The following SAMD3 variants were observed in gnomAD, a reference collection of about 807,000 sequenced individuals.
SAMD3 encodes sterile alpha motif domain containing 3.
In SAMD3, 63 loss-of-function variants were observed where a neutral mutation model predicts 58.5. That is an observed-to-expected ratio of 1.08 (90% CI 0.88 to 1.33). SAMD3 has a LOEUF of 1.33. Ranked by LOEUF, SAMD3 falls within the 40% of genes most tolerant of loss-of-function variation. The probability of loss-of-function intolerance (pLI) is 0.00; values close to 1 mark genes in which losing one functional copy is unlikely to be tolerated. For synonymous variants in SAMD3, 220 were observed against 210.3 expected, an observed-to-expected ratio of 1.05 and a Z score of -0.40; for missense variants, 604 against 608.4, an observed-to-expected ratio of 0.99 and a Z score of 0.08.
chr6:130,229,919 A>T (rs1362232200), intron 2 of SAMD3, among the ~76,000 whole-genome samples: 1 of 152,218 alleles, frequency 6.6e-6, no homozygotes, highest in African/African-American at 2.4e-5. Flanking sequence ...ACAGATAACT[A>T]CAGACTCTGA....
At chr6:130,349,373 A>G (rs962940127) in intron 1 of SAMD3, among the ~76,000 whole-genome samples, 9 of 152,276 alleles carry the variant, frequency 5.9e-5, no homozygotes, top group Admixed American at 1.3e-4. Flanking sequence ...TCAAATAGAC[A>G]CAATAAAAAA....
chr6:130,355,992 G>T (rs1039673818), intron 1 of SAMD3, among the ~76,000 whole-genome samples: 3 of 152,112 alleles, frequency 2.0e-5, no homozygotes, highest in Non-Finnish European at 4.4e-5. Flanking sequence ...CCTTTTAGAG[G>T]TGCAGCCTAT....
intron 7 of SAMD3, among the ~76,000 whole-genome samples, chr6:130,182,015 A>C (rs1444216811): frequency 1.3e-5 from 2 of 149,668 alleles, no homozygotes; most frequent in African/African-American, 4.9e-5. Flanking sequence ...CAGTGAGTCG[A>C]GATCGTGCCA....
intron 5 of SAMD3, among the ~76,000 whole-genome samples, chr6:130,209,093 T>C (rs531684436): frequency 6.6e-6 from 1 of 152,288 alleles, no homozygotes; most frequent in Admixed American, 6.5e-5. Flanking sequence ...CTTACCTGCC[T>C]CTATCGGGAG....
intron 5 of SAMD3, among the ~76,000 whole-genome samples, chr6:130,199,725 A>C (rs1562436611): frequency 6.6e-6 from 1 of 152,202 alleles, no homozygotes; most frequent in Non-Finnish European, 1.5e-5. Flanking sequence ...AAGATATTGA[A>C]CAATGTCACT....
chr6:130,242,685 T>G (rs762878114), intron 2 of SAMD3, among the ~76,000 whole-genome samples: 1 of 152,128 alleles, frequency 6.6e-6, no homozygotes, highest in Non-Finnish European at 1.5e-5. Flanking sequence ...ACTTGTAAAA[T>G]AATATCCAGA....
At chr6:130,308,614 G>T (rs992523937) in intron 2 of SAMD3, among the ~76,000 whole-genome samples, 5 of 151,986 alleles carry the variant, frequency 3.3e-5, no homozygotes, top group Non-Finnish European at 7.4e-5. Context: ...TAGATAACTA[G>T]ATTAGGACTC....
At chr6:130,189,705 C>T in intron 5 of SAMD3, among the ~76,000 whole-genome samples, 1 of 152,186 alleles carries the variant, frequency 6.6e-6, no homozygotes, top group South Asian at 2.1e-4. Context: ...TCAGTAGTCT[C>T]CTAGCAGAGT....
At chr6:130,184,921 A>T in intron 5 of SAMD3, among the ~76,000 whole-genome samples, 1 of 152,380 alleles carries the variant, frequency 6.6e-6, no homozygotes, top group Middle Eastern at 3.4e-3. Context: ...TTAAAGAGAA[A>T]ATGTAATGCA....
At chr6:130,162,156 C>T in intron 8 of SAMD3, 1 of 657,632 alleles carries the variant, frequency 1.5e-6, no homozygotes, top group Non-Finnish European at 2.7e-6. Context: ...CTTTACCACA[C>T]CAGTTTTGGC....
At chr6:130,157,615 C>T (rs1252616812) in intron 8 of SAMD3, among the ~76,000 whole-genome samples, 1 of 152,142 alleles carries the variant, frequency 6.6e-6, no homozygotes, top group Non-Finnish European at 1.5e-5. Flanking sequence ...GCATGAGCCA[C>T]CACGCCTGAC....
chr6:130,250,416 T>G (rs1773700409), intron 2 of SAMD3, among the ~76,000 whole-genome samples: 2 of 152,170 alleles, frequency 1.3e-5, no homozygotes, highest in African/African-American at 4.8e-5. Flanking sequence ...TCCCCCATTT[T>G]ATATGTTTAT....
chr6:130,232,897 A>C (rs985993508), intron 2 of SAMD3, among the ~76,000 whole-genome samples: 3 of 152,164 alleles, frequency 2.0e-5, no homozygotes, highest in Non-Finnish European at 4.4e-5. Context: ...TTTTTGAAGG[A>C]ATTGGCCAGT....
chr6:130,332,745 G>T (rs572918100), intron 1 of SAMD3, among the ~76,000 whole-genome samples: 1 of 152,240 alleles, frequency 6.6e-6, no homozygotes, highest in Non-Finnish European at 1.5e-5. Flanking sequence ...AAAGAATTTT[G>T]CTGTGAAGGA....
At chr6:130,265,106 T>C (rs1378584803) in intron 2 of SAMD3, among the ~76,000 whole-genome samples, 1 of 152,238 alleles carries the variant, frequency 6.6e-6, no homozygotes, top group Non-Finnish European at 1.5e-5. Context: ...TAATGAATGC[T>C]AGACTAACTA....
chr6:130,311,985 G>A (rs571941660), intron 2 of SAMD3, among the ~76,000 whole-genome samples: 207 of 152,124 alleles, frequency 1.4e-3, no homozygotes, highest in Non-Finnish European at 2.6e-3. Context: ...CTTCTCCCCC[G>A]CCCCCACTTG....
chr6:130,316,271 A>G (rs1015907246), intron 1 of SAMD3, among the ~76,000 whole-genome samples: 2 of 149,746 alleles, frequency 1.3e-5, no homozygotes, highest in African/African-American at 5.0e-5. Flanking sequence ...AGCCTAGGCA[A>G]CAGAGCAAGG....
chr6:130,173,469 C>T (rs952852857), intron 8 of SAMD3, among the ~76,000 whole-genome samples: 1 of 152,184 alleles, frequency 6.6e-6, no homozygotes, highest in African/African-American at 2.4e-5. Flanking sequence ...TGCTGGAGGT[C>T]CACTCCAGAT....
chr6:130,233,845 T>C (rs1242409606), intron 2 of SAMD3, among the ~76,000 whole-genome samples: 1 of 152,242 alleles, frequency 6.6e-6, no homozygotes, highest in Non-Finnish European at 1.5e-5. Context: ...AAGATGAAAT[T>C]ACTTCCTTTT....
Sources: allele counts gnomAD v4.1 joint callset (sites outside exome capture counted in the v4.1 genomes callset), GRCh38; gene constraint gnomAD v4.1.1; transcripts MANE v1.5; gene names NCBI Gene and HGNC (gene_info 2026-07-23, HGNC 2026-07-21).